PPP1R14C: variants seen among roughly 807,000 people sequenced by gnomAD.
PPP1R14C encodes protein phosphatase 1 regulatory inhibitor subunit 14C.
PPP1R14C carries 16 observed loss-of-function variants against 20.4 expected under a neutral mutation model. That is an observed-to-expected ratio of 0.78 (90% CI 0.53 to 1.19). The LOEUF (loss-of-function observed/expected upper bound fraction) is 1.19, where lower values mean the gene tolerates loss of function less well. Among genes scored for constraint, PPP1R14C ranks in the 50% most tolerant of loss-of-function variants. The pLI is 0.00. For missense variants in PPP1R14C, 211 were observed against 220.1 expected (o/e 0.96, Z 0.26); for synonymous variants, 91 against 91.0 (o/e 1.00, Z 0.00).
At chr6:150,218,467 C>T (rs1778125145) in intron 3 of PPP1R14C, among the ~76,000 whole-genome samples, 1 of 120,626 alleles carries the variant, frequency 8.3e-6, no homozygotes, top group Non-Finnish European at 1.6e-5. Flanking sequence ...AATACTAATA[C>T]ATCTGAACCC....
At chr6:150,235,150 C>A (rs1200241658) in intron 3 of PPP1R14C, among the ~76,000 whole-genome samples, 1 of 152,182 alleles carries the variant, frequency 6.6e-6, no homozygotes, top group Non-Finnish European at 1.5e-5. Flanking sequence ...TGCAGGAGCA[C>A]GATCATAGCT....
chr6:150,154,005 A>T (rs114353375), intron 1 of PPP1R14C, among the ~76,000 whole-genome samples: 1 of 152,354 alleles, frequency 6.6e-6, no homozygotes, highest in African/African-American at 2.4e-5. Flanking sequence ...ATGGCAGAAG[A>T]ATGGAGGAGA....
At chr6:150,175,534 T>C (rs1777551505) in intron 1 of PPP1R14C, among the ~76,000 whole-genome samples, 1 of 152,232 alleles carries the variant, frequency 6.6e-6, no homozygotes, top group Non-Finnish European at 1.5e-5. Context: ...GTAATTTCCT[T>C]TGTAAAATAT....
intron 1 of PPP1R14C, among the ~76,000 whole-genome samples, chr6:150,148,819 C>T (rs988812537): frequency 2.0e-5 from 3 of 152,158 alleles, no homozygotes; most frequent in African/African-American, 7.2e-5. Context: ...GTGGCTCTAG[C>T]CTGTAATCCC....
At chr6:150,149,325 A>ATG (rs1208327083) in intron 1 of PPP1R14C, among the ~76,000 whole-genome samples, 11 of 106,882 alleles carry the variant, frequency 1.0e-4, no homozygotes, top group East Asian at 8.2e-4. Flanking sequence ...GTGTGTGTGT[A>ATG]TGTGTGTGTA....
intron 1 of PPP1R14C, among the ~76,000 whole-genome samples, chr6:150,148,327 G>A (rs145698892): frequency 0.011 from 1,732 of 152,298 alleles, 20 homozygotes; most frequent in Non-Finnish European, 0.015. Flanking sequence ...CAGCTGGGAT[G>A]TGACAGAACA....
intron 1 of PPP1R14C, among the ~76,000 whole-genome samples, chr6:150,190,191 C>T (rs1391339303): frequency 6.6e-6 from 1 of 152,048 alleles, no homozygotes; most frequent in African/African-American, 2.4e-5. Context: ...AAATGTATAT[C>T]TCTAGCCTGG....
In PPP1R14C at chr6:150,195,881, A is replaced by T. The variant is rs934241107; in HGVS notation, c.307-18863A>T. ...GGAGGCCAGAGGACAGGAAACTCCC[A>T]GTTCTAAGGCAGTGTCAGGTCATGG... On this transcript the variant is annotated intron_variant, in intron 1 of 3. Coordinates refer to ENST00000361131, the MANE Select transcript of PPP1R14C (RefSeq NM_030949.3). The T allele has an allele frequency of 3.1e-5, 31 of 985,278 alleles. No homozygotes were observed. The South Asian group carries it at 1.5e-3, about 46-fold the overall frequency. The allele number at this position is 985,278 out of a possible 1,614,324, so 61.0% of individuals were successfully genotyped here.
intron 3 of PPP1R14C, among the ~76,000 whole-genome samples, chr6:150,243,045 T>C (rs1358424142): frequency 6.6e-6 from 1 of 152,210 alleles, no homozygotes; most frequent in East Asian, 1.9e-4. Flanking sequence ...AGAGTAGAGA[T>C]AAATCATGTC....
intron 1 of PPP1R14C, among the ~76,000 whole-genome samples, chr6:150,155,854 G>A (rs532608490): frequency 2.0e-5 from 3 of 151,354 alleles, no homozygotes; most frequent in South Asian, 2.1e-4. Flanking sequence ...GTAAGACCCC[G>A]TCTCTATTTA....
chr6:150,216,150 G>A lies in PPP1R14C; in HGVS notation c.391-674G>A, dbSNP rs185161870. ...AGTCTGCAACCTAATGGATGCTTGA[G>A]CATCCCTGTCCTTTTTTAAAAGAAG... On this transcript the variant is annotated intron_variant, in intron 2 of 3. Transcript: ENST00000361131. 1.7e-3 allele frequency among the ~76,000 whole-genome samples: 265 copies of A among 152,340 alleles called. 3 individuals are homozygous for A. The highest frequency in any genetic ancestry group is 6.1e-3 in the African/African-American group (253 of 41,572).
chr6:150,157,463 C>T (rs1777318009), intron 1 of PPP1R14C, among the ~76,000 whole-genome samples: 1 of 151,218 alleles, frequency 6.6e-6, no homozygotes, highest in Admixed American at 6.6e-5. Flanking sequence ...TGGTTATACT[C>T]ACAGGTTCTT....
intron 3 of PPP1R14C, among the ~76,000 whole-genome samples, chr6:150,237,500 G>A (rs372432932): frequency 2.6e-5 from 4 of 152,112 alleles, no homozygotes; most frequent in African/African-American, 9.7e-5. Flanking sequence ...ACCATGCCTG[G>A]CCCAGAGTAG....
chr6:150,231,239 A>G (rs565101186), intron 3 of PPP1R14C, among the ~76,000 whole-genome samples: 3 of 152,356 alleles, frequency 2.0e-5, no homozygotes, highest in Admixed American at 2.0e-4. Flanking sequence ...GAAGTCTCTC[A>G]GCAGCATGTT....
intron 1 of PPP1R14C, among the ~76,000 whole-genome samples, chr6:150,188,800 T>C (rs1364672148): frequency 6.6e-6 from 1 of 151,680 alleles, no homozygotes; most frequent in Admixed American, 6.6e-5. Context: ...ATTACCTTCT[T>C]ATGGGACATT....
rs762868254 is a variant in PPP1R14C, at chr6:150,249,702, CTG to C, written c.*886_*887del. 28 of 345,552 alleles carry C rather than the reference CTG, an allele frequency of 8.1e-5. No homozygotes were observed. The highest frequency in any genetic ancestry group is 1.1e-4 in the Non-Finnish European group (23 of 207,144). 21.4% of individuals were successfully genotyped at this position (345,552 alleles called of 1,614,324 possible). The stretch of plus-strand genomic sequence containing the variant: ...TGAATTGTCTGCTTTCCACCGAGTA[CTG>C]TGTTTATTCTCTCTCCAGGAAAGCA... On this transcript the variant is annotated 3_prime_UTR_variant, in exon 4 of 4. Transcript: ENST00000361131.
chr6:150,202,596 C>T (rs925748125), intron 1 of PPP1R14C, among the ~76,000 whole-genome samples: 10 of 152,256 alleles, frequency 6.6e-5, no homozygotes, highest in African/African-American at 1.9e-4. Flanking sequence ...GCCGGGACAG[C>T]CCTGCAGGCT....
At chr6:150,188,348 C>A (rs1777700767) in intron 1 of PPP1R14C, among the ~76,000 whole-genome samples, 1 of 152,156 alleles carries the variant, frequency 6.6e-6, no homozygotes, top group African/African-American at 2.4e-5. Context: ...ATTCTAAAAT[C>A]ATACATTTTG....
intron 3 of PPP1R14C, among the ~76,000 whole-genome samples, chr6:150,224,981 T>G (rs1215460994): frequency 6.6e-6 from 1 of 152,018 alleles, no homozygotes; most frequent in South Asian, 2.1e-4. Context: ...ACTTCACAAG[T>G]GCTTCTCGGT....
Sources: gnomAD v4.1 joint callset for allele counts (sites outside exome capture counted in the v4.1 genomes callset) on GRCh38, gnomAD v4.1.1 for gene constraint, MANE v1.5 for transcripts, NCBI Gene and HGNC (gene_info 2026-07-23, HGNC 2026-07-21) for gene names.